The following SP140L variants were observed in gnomAD, a reference collection of about 807,000 sequenced individuals.
SP140L encodes the protein SP140 like nuclear body protein, also known as nuclear body protein SP140-like protein.
In SP140L, 64 loss-of-function variants were observed where a neutral mutation model predicts 84.3. The observed-to-expected ratio is 0.76, with a 90% CI of 0.62 to 0.94. The LOEUF is 0.94. Among genes scored for constraint, SP140L ranks in the 40% least tolerant of loss-of-function variants. The pLI is 0.00. For synonymous variants in SP140L, 242 were observed against 236.9 expected (o/e 1.02, Z -0.20); for missense variants, 628 against 692.5 (o/e 0.91, Z 1.05).
At chr2:230,369,611 C>T (rs2060990679) in intron 5 of SP140L, among the ~76,000 whole-genome samples, 1 of 152,198 alleles carries the variant, frequency 6.6e-6, no homozygotes, top group South Asian at 2.1e-4. Context: ...GCCATCAACA[C>T]GGGCTTTCTG....
At chr2:230,336,805 A>G (rs911116381) in intron 2 of SP140L, among the ~76,000 whole-genome samples, 5 of 152,210 alleles carry the variant, frequency 3.3e-5, no homozygotes, top group African/African-American at 1.2e-4. Flanking sequence ...CTTACAGATC[A>G]TGACTTCTAC....
rs182059224 is a variant in SP140L, at chr2:230,358,411, G to A, written c.270+444G>A. ...CTTTCTCCAACACATTTGTTTTCTTGTCTTTCCTTTTTTTGTGCATTTCTG... is the reference window on the plus strand; with the variant it reads ...CTTTCTCCAACACATTTGTTTTCTTATCTTTCCTTTTTTTGTGCATTTCTG... On this transcript the variant is annotated intron_variant, in intron 3 of 18. Transcript: ENST00000415673. Among the ~76,000 whole-genome samples, 1,367 of 152,216 alleles carry A rather than the reference G, an allele frequency of 9.0e-3. 6 individuals are homozygous for A. The highest frequency in any genetic ancestry group is 0.016 in the South Asian group (78 of 4,826).
At chr2:230,398,238 T>C (rs2062142658) in intron 14 of SP140L, among the ~76,000 whole-genome samples, 1 of 152,202 alleles carries the variant, frequency 6.6e-6, no homozygotes, top group African/African-American at 2.4e-5. Flanking sequence ...AGAATACCAG[T>C]GCCTGTGCCT....
At chr2:230,376,808 A>G (rs1038129079) in intron 7 of SP140L, among the ~76,000 whole-genome samples, 1 of 152,144 alleles carries the variant, frequency 6.6e-6, no homozygotes, top group Non-Finnish European at 1.5e-5. Flanking sequence ...ATCACACCGT[A>G]TGATTTTAAA....
chr2:230,355,893 C>T (rs2060530455), intron 2 of SP140L, among the ~76,000 whole-genome samples: 1 of 152,042 alleles, frequency 6.6e-6, no homozygotes, highest in Non-Finnish European at 1.5e-5. Flanking sequence ...AAGCTACAGA[C>T]TGGGTGAAAA....
At chr2:230,327,997 A>C (rs1440951288) in intron 1 of SP140L, among the ~76,000 whole-genome samples, 2 of 152,228 alleles carry the variant, frequency 1.3e-5, no homozygotes, top group African/African-American at 4.8e-5. Flanking sequence ...ACCAGAAAAG[A>C]GATGGAAATC....
At chr2:230,372,835 A>C (rs2149770751) in intron 7 of SP140L, 1 of 152,322 alleles carries the variant, frequency 6.6e-6, no homozygotes, top group East Asian at 1.9e-4. Flanking sequence ...ACATAGGCTG[A>C]AAATTAGGCC....
At chr2:230,371,756 C>G in intron 7 of SP140L, 105 bp downstream of exon 7, 1 of 1,099,964 alleles carries the variant, frequency 9.1e-7, no homozygotes, top group Non-Finnish European at 1.3e-6. Context: ...ATTTGCAATA[C>G]TGTGGTAGAG....
intron 16 of SP140L, 64 bp from the exon 17 acceptor site, chr2:230,401,302 G>T: frequency 1.2e-6 from 2 of 1,611,196 alleles, no homozygotes; most frequent in East Asian, 4.5e-5. Context: ...CGTGTGCTGT[G>T]TCTCATGCAT....
At chr2:230,400,645 C>A (rs1278737518) in intron 15 of SP140L, 5 of 556,306 alleles carry the variant, frequency 9.0e-6, no homozygotes, top group African/African-American at 1.9e-5. Context: ...GAGTTGAAAG[C>A]CCAGTTTCTG....
At chr2:230,368,626 G>A (rs1449948028) in intron 5 of SP140L, among the ~76,000 whole-genome samples, 1 of 152,098 alleles carries the variant, frequency 6.6e-6, no homozygotes, top group African/African-American at 2.4e-5. Context: ...AATCCTGTAA[G>A]TGTTCCTTAT....
At chr2:230,391,949 T>C (rs1370492028) in intron 11 of SP140L, 138 bp from the exon 12 acceptor site, 2 of 1,232,240 alleles carry the variant, frequency 1.6e-6, no homozygotes, top group East Asian at 4.7e-5. Flanking sequence ...GCCTCTGAAG[T>C]CTGAGAGGGA....
intron 5 of SP140L, among the ~76,000 whole-genome samples, chr2:230,364,644 CTAATTGTTCTG>C (rs1316248138): frequency 1.3e-5 from 2 of 151,872 alleles, no homozygotes; most frequent in Non-Finnish European, 2.9e-5. Flanking sequence ...TTTTTCTTGC[CTAATTGTTCTG>C]TCTAGGACTT....
At chr2:230,361,358 C>T (rs2060711316) in intron 4 of SP140L, among the ~76,000 whole-genome samples, 1 of 152,176 alleles carries the variant, frequency 6.6e-6, no homozygotes, top group South Asian at 2.1e-4. Flanking sequence ...TGCCATCTGA[C>T]AATTTTGCGG....
chr2:230,389,728 A>T (rs2149805926), intron 10 of SP140L, among the ~76,000 whole-genome samples, 191 bp from the exon 11 acceptor site: 1 of 152,338 alleles, frequency 6.6e-6, no homozygotes, highest in South Asian at 2.1e-4. Context: ...GAAATTTGAA[A>T]GGTGAAATTG....
intron 5 of SP140L, among the ~76,000 whole-genome samples, chr2:230,369,216 G>C (rs796553676): frequency 2.2e-4 from 33 of 151,798 alleles, no homozygotes; most frequent in African/African-American, 7.7e-4. Context: ...TCTATGCTGG[G>C]GCAGGCCTTG....
At chr2:230,382,651 A>T (rs1286409538) in intron 7 of SP140L, among the ~76,000 whole-genome samples, 2 of 152,198 alleles carry the variant, frequency 1.3e-5, no homozygotes, top group African/African-American at 2.4e-5. Flanking sequence ...TGATGGGGAA[A>T]GAATGAGGCA....
chr2:230,370,350 A>C (rs1414135593), intron 5 of SP140L, among the ~76,000 whole-genome samples: 1 of 152,070 alleles, frequency 6.6e-6, no homozygotes, highest in East Asian at 1.9e-4. Flanking sequence ...AGGTCACCCG[A>C]GGAATGTGTG....
chr2:230,354,833 C>CA (rs2060469982), intron 2 of SP140L, among the ~76,000 whole-genome samples: 1 of 34,978 alleles, frequency 2.9e-5, no homozygotes, highest in Non-Finnish European at 5.5e-5. Context: ...AAGAAAGAGA[C>CA]AAGAAAGAAA....
Sources: gnomAD v4.1 joint callset for allele counts (sites outside exome capture counted in the v4.1 genomes callset) on GRCh38, gnomAD v4.1.1 for gene constraint, MANE v1.5 for transcripts, NCBI Gene and HGNC (gene_info 2026-07-23, HGNC 2026-07-21) for gene names.